The following CDH13 variants were observed in gnomAD, a reference collection of about 807,000 sequenced individuals.
CDH13 encodes the protein cadherin 13, also known as cadherin-13.
In CDH13, 24 loss-of-function variants were observed where a neutral mutation model predicts 63.8. That is an observed-to-expected ratio of 0.38 (90% confidence interval 0.27 to 0.53). The LOEUF (loss-of-function observed/expected upper bound fraction) is 0.53. CDH13 is among the 20% of genes least tolerant of loss of function. The probability of loss-of-function intolerance (pLI) is 0.85; values close to 1 mark genes in which losing one functional copy is unlikely to be tolerated. For missense variants in CDH13, 1,049 were observed against 903.1 expected (o/e 1.16, Z -2.07); for synonymous variants, 503 against 355.3 (o/e 1.42, Z -4.67).
At chr16:83,382,456 C>G (rs1344981731) in intron 6 of CDH13, among the ~76,000 whole-genome samples, 1 of 152,130 alleles carries the variant, frequency 6.6e-6, no homozygotes, top group Admixed American at 6.6e-5. Flanking sequence ...CCCAGCTATT[C>G]ACATTTCACT....
chr16:83,165,347 A>G (rs1482415153), intron 4 of CDH13, among the ~76,000 whole-genome samples: 1 of 151,728 alleles, frequency 6.6e-6, no homozygotes, highest in Non-Finnish European at 1.5e-5. Flanking sequence ...ATGATAGATG[A>G]TGGATATTCT....
chr16:82,903,945 T>C (rs2041556311), intron 2 of CDH13, among the ~76,000 whole-genome samples: 1 of 152,148 alleles, frequency 6.6e-6, no homozygotes. Flanking sequence ...TCTGTCTGCT[T>C]CTCTGTATGT....
rs112485535 is a variant in CDH13, at chr16:83,031,887, T to G, written c.158-123T>G. The G allele has an allele frequency of 1.1e-4, 82 of 754,412 alleles. No individual in the cohort carries two copies. The African/African-American group carries it at 1.3e-3, about 12-fold the overall frequency. 46.7% of individuals were successfully genotyped at this position (754,412 alleles called of 1,614,324 possible). A position where few individuals can be genotyped will look rare whatever the true frequency, so the allele number is the denominator to read the frequency against. ...AGGCATCTTGCTGTGGGATAAAACG[T>G]AACATTTGTGAACTCTGGGTTGGGA... On this transcript the variant is annotated intron_variant, in intron 2 of 13. Coordinates refer to ENST00000567109, the MANE Select transcript of CDH13 (RefSeq NM_001257.5).
chr16:83,139,870 T>C (rs2036455529), intron 4 of CDH13, among the ~76,000 whole-genome samples: 1 of 151,894 alleles, frequency 6.6e-6, no homozygotes, highest in Non-Finnish European at 1.5e-5. Context: ...GGCATGGTGG[T>C]GCATGCCTGT....
chr16:83,433,742 A>G (rs894944751), intron 6 of CDH13, among the ~76,000 whole-genome samples: 1 of 152,236 alleles, frequency 6.6e-6, no homozygotes, highest in Non-Finnish European at 1.5e-5. Context: ...TGAATGTACC[A>G]TTAGCTACTG....
At chr16:82,741,719 A>G (rs2033941109) in intron 1 of CDH13, among the ~76,000 whole-genome samples, 1 of 152,240 alleles carries the variant, frequency 6.6e-6, no homozygotes. Context: ...GCCATTAATT[A>G]AAGACACTAT....
At chr16:82,901,729 G>A (rs927361625) in intron 2 of CDH13, among the ~76,000 whole-genome samples, 6 of 152,188 alleles carry the variant, frequency 3.9e-5, no homozygotes, top group African/African-American at 4.8e-5. Flanking sequence ...GTATTACATA[G>A]ATAAAATGGA....
chr16:82,910,843 T>C (rs1464954120), intron 2 of CDH13, among the ~76,000 whole-genome samples: 1 of 152,180 alleles, frequency 6.6e-6, no homozygotes, highest in African/African-American at 2.4e-5. Flanking sequence ...AGTGAGGGTG[T>C]TCTTTCTTAC....
chr16:82,632,182 C>T (rs1206328559), intron 1 of CDH13, among the ~76,000 whole-genome samples: 3 of 152,184 alleles, frequency 2.0e-5, no homozygotes, highest in Non-Finnish European at 4.4e-5. Context: ...ATCGTCACCA[C>T]TCTCTACTAC....
At chr16:83,542,776 G>A (rs1361451470) in intron 7 of CDH13, among the ~76,000 whole-genome samples, 1 of 152,090 alleles carries the variant, frequency 6.6e-6, no homozygotes, top group Non-Finnish European at 1.5e-5. Context: ...TGTTTTCCTT[G>A]TCTGAACATC....
intron 6 of CDH13, among the ~76,000 whole-genome samples, chr16:83,434,285 A>T (rs1598011031): frequency 6.6e-6 from 1 of 152,058 alleles, no homozygotes; most frequent in Non-Finnish European, 1.5e-5. Context: ...GAATTTTGAG[A>T]CCTGCGTTCT....
intron 1 of CDH13, among the ~76,000 whole-genome samples, chr16:82,822,344 T>C (rs988751529): frequency 3.9e-5 from 6 of 152,214 alleles, no homozygotes; most frequent in Non-Finnish European, 8.8e-5. Context: ...AATGTTCGGA[T>C]ATATTTTTAA....
intron 7 of CDH13, among the ~76,000 whole-genome samples, chr16:83,510,740 GGGTTT>G (rs2074537897): frequency 6.6e-6 from 1 of 152,152 alleles, no homozygotes; most frequent in Non-Finnish European, 1.5e-5. Flanking sequence ...AAGCCAAAGG[GGGTTT>G]GGGTTTCTTT....
intron 5 of CDH13, among the ~76,000 whole-genome samples, chr16:83,262,277 C>A (rs1907085672): frequency 6.6e-6 from 1 of 152,162 alleles, no homozygotes; most frequent in African/African-American, 2.4e-5. Context: ...GCCTCCATGT[C>A]TCTGATTTGC....
At chr16:83,330,664 A>G (rs1428705541) in intron 5 of CDH13, among the ~76,000 whole-genome samples, 1 of 152,178 alleles carries the variant, frequency 6.6e-6, no homozygotes, top group Admixed American at 6.5e-5. Flanking sequence ...CTGAATCCCC[A>G]GAGTGTGGGC....
chr16:82,797,777 G>A (rs1046016711), intron 1 of CDH13, among the ~76,000 whole-genome samples: 4 of 117,930 alleles, frequency 3.4e-5, no homozygotes, highest in African/African-American at 1.4e-4. Context: ...TTAGGGCCGT[G>A]TGTGTGTGTG....
At chr16:83,756,225 G>A (rs1411750737) in intron 11 of CDH13, among the ~76,000 whole-genome samples, 1 of 152,084 alleles carries the variant, frequency 6.6e-6, no homozygotes, top group Non-Finnish European at 1.5e-5. Context: ...ACAACAAGGT[G>A]ATACAGTAAG....
At chr16:83,083,180 G>A (rs974118472) in intron 3 of CDH13, among the ~76,000 whole-genome samples, 1 of 152,166 alleles carries the variant, frequency 6.6e-6, no homozygotes, top group African/African-American at 2.4e-5. Context: ...TCATGGGTTG[G>A]TATAGGATGC....
intron 4 of CDH13, among the ~76,000 whole-genome samples, chr16:83,188,331 G>A (rs983968993): frequency 2.0e-5 from 3 of 152,218 alleles, no homozygotes; most frequent in African/African-American, 7.2e-5. Flanking sequence ...GAGAGGCGTG[G>A]TTATGGCCGT....
Sources: gnomAD v4.1 joint callset for allele counts (sites outside exome capture counted in the v4.1 genomes callset) on GRCh38, gnomAD v4.1.1 for gene constraint, MANE v1.5 for transcripts, NCBI Gene and HGNC (gene_info 2026-07-23, HGNC 2026-07-21) for gene names.